KCNH5: variants seen among roughly 807,000 people sequenced by gnomAD.
KCNH5 encodes the protein potassium voltage-gated channel subfamily H member 5, also known as voltage-gated delayed rectifier potassium channel KCNH5.
In KCNH5, 46 loss-of-function variants were observed where a neutral mutation model predicts 96.1. That is an observed-to-expected ratio of 0.48 (90% CI 0.38 to 0.61). KCNH5 has a LOEUF of 0.61. Ranked by LOEUF, KCNH5 falls within the 20% of genes least tolerant of loss-of-function variation. KCNH5 has a pLI of 0.00. For synonymous variants in KCNH5, 439 were observed against 449.8 expected (o/e 0.98, Z 0.30); for missense variants, 907 against 1,225.8 (o/e 0.74, Z 3.88).
At chr14:63,011,408 G>A (rs1304110578) in intron 2 of KCNH5, among the ~76,000 whole-genome samples, 2 of 151,724 alleles carry the variant, frequency 1.3e-5, no homozygotes, top group African/African-American at 4.8e-5. Context: ...AACCCAGGAG[G>A]CAGAGGTTGC....
Position 62,980,784 on chromosome 14 carries a change from G to A in KCNH5, c.942+88C>T, listed in dbSNP as rs1890590385. On this transcript the variant is annotated intron_variant, in intron 6 of 10. Coordinates refer to ENST00000322893, the MANE Select transcript of KCNH5 (RefSeq NM_139318.5). ...AAGTTGAAAGTGGTGGCTAAAAAGA[G>A]GTTTGGATTATCTGTGGAATCCATT... The A allele has an allele frequency of 1.3e-5, 18 of 1,374,668 alleles. 2 individuals are homozygous for A. In the South Asian group the frequency reaches 2.5e-4, roughly 19 times the overall value. The allele number at this position is 1,374,668 out of a possible 1,614,324, so 85.2% of individuals were successfully genotyped here.
intron 6 of KCNH5, among the ~76,000 whole-genome samples, chr14:62,953,312 C>A (rs185809096): frequency 6.6e-6 from 1 of 152,092 alleles, no homozygotes; most frequent in Non-Finnish European, 1.5e-5. Flanking sequence ...CTATCCTTCT[C>A]CATGCTTCTA....
chr14:63,034,527 C>T (rs985394584), intron 1 of KCNH5, among the ~76,000 whole-genome samples: 1 of 152,200 alleles, frequency 6.6e-6, no homozygotes, highest in Non-Finnish European at 1.5e-5. Context: ...AGACATACTT[C>T]GTACCTTCCA....
At chr14:62,975,068 G>A (rs964854331) in intron 6 of KCNH5, among the ~76,000 whole-genome samples, 2 of 151,962 alleles carry the variant, frequency 1.3e-5, no homozygotes, top group African/African-American at 4.8e-5. Flanking sequence ...TCCTTTCCTT[G>A]TTTTACATCA....
chr14:62,982,448 A>G lies in KCNH5; in HGVS notation c.550-1184T>C, dbSNP rs181764622. Among the ~76,000 whole-genome samples the G allele has an allele frequency of 6.7e-4, 102 of 152,384 alleles. No homozygotes were observed. The East Asian group carries it at 0.019, about 29-fold the overall frequency. The stretch of plus-strand genomic sequence containing the variant: ...ATGGAAATTTTTAAATATTTTCAAC[A>G]GATTTGCCCATTGTATGTATTCAGT... On this transcript the variant is annotated intron_variant, in intron 5 of 10. Transcript: ENST00000322893.
chr14:62,913,157 G>T (rs547619939), intron 7 of KCNH5, among the ~76,000 whole-genome samples: 6 of 152,206 alleles, frequency 3.9e-5, no homozygotes, highest in African/African-American at 1.4e-4. Flanking sequence ...GCATCTTGTT[G>T]GCCTCGAATA....
chr14:62,849,708 A>C lies in KCNH5; in HGVS notation c.1514T>G (p.Val505Gly). The C allele has an allele frequency of 6.2e-7, 1 of 1,613,902 alleles. No homozygotes were observed. Among genetic ancestry groups the C allele is most frequent in the Non-Finnish European group, 8.5e-7 (1 of 1,179,866 alleles). Residue 505 changes from valine (V) to glycine (G), a missense_variant, in exon 8 of 11, where the codon GTC becomes GGC. This residue lies in a region of KCNH5 where 95 missense variants were observed against 111.8 expected (regional missense o/e 0.85). Transcript: ENST00000322893. ...YQVPKGLSERVMDYIVSTWSM... is the reference protein window; with the variant it reads ...YQVPKGLSERGMDYIVSTWSM... ...CCATGTTGAGACAATATAATCCATG[A>C]CTCGCTCACTAAGGCCTTTTGGGAC... is the stretch of plus-strand genomic sequence containing the variant.
At chr14:62,920,517 G>C (rs994544256) in intron 7 of KCNH5, among the ~76,000 whole-genome samples, 1 of 151,956 alleles carries the variant, frequency 6.6e-6, no homozygotes, top group Non-Finnish European at 1.5e-5. Flanking sequence ...GTGATGCCCT[G>C]CCTACTCACC....
chr14:62,703,802 C>T lies in KCNH5; in HGVS notation c.*3706G>A, dbSNP rs1382353102. The T allele has an allele frequency of 3.3e-5, 5 of 151,698 alleles. No homozygotes were observed. Among genetic ancestry groups the T allele is most frequent in the Admixed American group, 3.3e-4 (5 of 15,236 alleles). 9.4% of individuals were successfully genotyped at this position (151,698 alleles called of 1,614,324 possible). ...ACATTCTAGATAAATGTTCTCATTACCTACATGGAATTTTGGAAAACAAAC... is the reference window on the plus strand; with the variant it reads ...ACATTCTAGATAAATGTTCTCATTATCTACATGGAATTTTGGAAAACAAAC... On this transcript the variant is annotated 3_prime_UTR_variant, in exon 11 of 11. Coordinates refer to ENST00000322893, the MANE Select transcript of KCNH5 (RefSeq NM_139318.5).
intron 7 of KCNH5, among the ~76,000 whole-genome samples, chr14:62,925,933 T>G (rs1277117390): frequency 6.6e-6 from 1 of 152,146 alleles, no homozygotes; most frequent in Non-Finnish European, 1.5e-5. Context: ...TGGCATTTTT[T>G]GTCAATGTAT....
chr14:62,824,080 G>A (rs190304698), intron 8 of KCNH5, among the ~76,000 whole-genome samples: 2 of 151,668 alleles, frequency 1.3e-5, no homozygotes, highest in East Asian at 1.9e-4. Flanking sequence ...CAATCCCAGA[G>A]AGAAAAAAAA....
intron 10 of KCNH5, among the ~76,000 whole-genome samples, chr14:62,723,473 T>A (rs956713680): frequency 1.3e-5 from 2 of 152,156 alleles, no homozygotes; most frequent in African/African-American, 2.4e-5. Context: ...GGGGGTTTAG[T>A]GTTTGTAATA....
chr14:62,866,871 G>T (rs1028116398), intron 7 of KCNH5, among the ~76,000 whole-genome samples: 2 of 152,084 alleles, frequency 1.3e-5, no homozygotes, highest in Admixed American at 6.6e-5. Context: ...TACTGGAACA[G>T]CCTCCTAATT....
intron 10 of KCNH5, among the ~76,000 whole-genome samples, chr14:62,754,741 G>A (rs903303355): frequency 6.6e-6 from 1 of 151,758 alleles, no homozygotes; most frequent in African/African-American, 2.4e-5. Flanking sequence ...CAAGCATGGG[G>A]GTGTGTGGCT....
At chr14:62,970,926 A>G (rs1010184156) in intron 6 of KCNH5, among the ~76,000 whole-genome samples, 3 of 152,126 alleles carry the variant, frequency 2.0e-5, no homozygotes, top group African/African-American at 4.8e-5. Context: ...ATGAAAAACT[A>G]GAAGCTTTCC....
intron 9 of KCNH5, among the ~76,000 whole-genome samples, chr14:62,787,266 G>A (rs1276942848): frequency 6.6e-6 from 1 of 152,162 alleles, no homozygotes; most frequent in Admixed American, 6.5e-5. Flanking sequence ...TTAGTGGCCT[G>A]GATAGAAGAT....
chr14:62,888,563 G>A (rs1888643593), intron 7 of KCNH5, among the ~76,000 whole-genome samples: 1 of 151,908 alleles, frequency 6.6e-6, no homozygotes, highest in Non-Finnish European at 1.5e-5. Context: ...GTTTTAAGTT[G>A]GAAACTAATT....
Position 62,784,702 on chromosome 14 carries a change from T to C in KCNH5, c.1823-4778A>G, listed in dbSNP as rs942683199. ...GTACTCAAAATATAAAGGTAATTTC[T>C]TCTTACCAATATGGGCCATTTTTAA... On this transcript the variant is annotated intron_variant, in intron 9 of 10. Transcript: ENST00000322893. Among the ~76,000 whole-genome samples, 6 of 152,308 alleles carry C rather than the reference T, an allele frequency of 3.9e-5. No individual in the cohort carries two copies. In the South Asian group the frequency reaches 1.0e-3, roughly 26 times the overall value.
intron 7 of KCNH5, among the ~76,000 whole-genome samples, chr14:62,850,796 A>G (rs988162135): frequency 2.6e-5 from 4 of 152,138 alleles, no homozygotes; most frequent in Admixed American, 2.6e-4. Context: ...TGTTAACTGG[A>G]ATCTTTTTTG....
Sources: allele counts gnomAD v4.1 joint callset (sites outside exome capture counted in the v4.1 genomes callset), GRCh38; gene constraint gnomAD v4.1.1; regional missense constraint gnomAD v4.1.1; transcripts MANE v1.5; gene names NCBI Gene and HGNC (gene_info 2026-07-23, HGNC 2026-07-21).